KLHL13: variants seen among roughly 807,000 people sequenced by gnomAD.
KLHL13 encodes kelch like family member 13, also known as kelch-like protein 13.
Under a neutral mutation model 37.1 loss-of-function variants are expected in KLHL13, and 10 were observed. The ratio of observed to expected loss-of-function variants is 0.27; its 90% CI spans 0.17 to 0.46. The LOEUF (loss-of-function observed/expected upper bound fraction) is 0.46, where lower values mean the gene tolerates loss of function less well. Among genes scored for constraint, KLHL13 ranks in the 20% least tolerant of loss-of-function variants. KLHL13 has a pLI of 1.00. For missense variants in KLHL13, 360 were observed against 509.3 expected (o/e 0.71, Z 2.82); for synonymous variants, 163 against 181.2 (o/e 0.90, Z 0.81).
intron 1 of KLHL13, among the ~76,000 whole-genome samples, chrX:118,083,332 A>C (rs2148134072): frequency 8.9e-6 from 1 of 112,043 alleles, no homozygotes; most frequent in African/African-American, 3.2e-5. Context: ...GAATCAACCT[A>C]AGTGTCCATC....
At chrX:118,044,581 C>T (rs970185602) in intron 1 of KLHL13, among the ~76,000 whole-genome samples, 2 of 111,227 alleles carry the variant, frequency 1.8e-5, no homozygotes, top group African/African-American at 6.5e-5. Flanking sequence ...GAAATAAATC[C>T]ATACATCTTC....
chrX:118,096,528 G>A (rs886193233), intron 1 of KLHL13, among the ~76,000 whole-genome samples: 2 of 111,581 alleles, frequency 1.8e-5, no homozygotes, highest in South Asian at 3.8e-4. Context: ...CATTCCTTCC[G>A]AAACTATTCC....
intron 1 of KLHL13, among the ~76,000 whole-genome samples, chrX:118,040,515 G>A (rs769308150): frequency 2.7e-5 from 3 of 110,247 alleles, no homozygotes; most frequent in Admixed American, 1.9e-4. Context: ...AAAATAGAGA[G>A]ACAAAAGAAA....
chrX:118,092,862 C>T (rs1290409863), intron 1 of KLHL13, among the ~76,000 whole-genome samples: 1 of 111,763 alleles, frequency 8.9e-6, no homozygotes, highest in East Asian at 2.8e-4. Context: ...AACTGGGTGA[C>T]AGGTACCCAG....
chrX:117,984,609 A>T (rs939485527), intron 1 of KLHL13, among the ~76,000 whole-genome samples: 23 of 111,347 alleles, frequency 2.1e-4, no homozygotes, highest in Non-Finnish European at 7.6e-5. Context: ...TCTTTTTTGG[A>T]ATGATAAATT....
chrX:118,098,560 C>T (rs1354579540), intron 1 of KLHL13, among the ~76,000 whole-genome samples: 2 of 110,108 alleles, frequency 1.8e-5, no homozygotes, highest in Non-Finnish European at 3.8e-5. Flanking sequence ...TTTGACCCAG[C>T]CATCCCATTA....
intron 1 of KLHL13, among the ~76,000 whole-genome samples, chrX:118,012,043 A>G (rs1366789438): frequency 1.8e-5 from 2 of 112,134 alleles, no homozygotes; most frequent in African/African-American, 6.5e-5. Flanking sequence ...CAGAGTCAGG[A>G]AAACCAGTGC....
At chrX:117,941,176 G>A (rs187755715) in intron 2 of KLHL13, among the ~76,000 whole-genome samples, 1 of 111,732 alleles carries the variant, frequency 8.9e-6, no homozygotes, top group Non-Finnish European at 1.9e-5. Flanking sequence ...TTTGTCAAAG[G>A]CCTTTTCTGC....
intron 1 of KLHL13, among the ~76,000 whole-genome samples, chrX:118,094,592 A>G (rs190028400): frequency 3.6e-5 from 4 of 110,328 alleles, no homozygotes; most frequent in Admixed American, 2.9e-4. Flanking sequence ...TAATTGTCAG[A>G]TTCACCAAAG....
At chrX:117,957,408 A>G (rs2053221507) in intron 1 of KLHL13, among the ~76,000 whole-genome samples, 1 of 111,925 alleles carries the variant, frequency 8.9e-6, no homozygotes, top group African/African-American at 3.2e-5. Context: ...CAGTCCAGCA[A>G]ATTATTCACA....
At chrX:117,926,901 T>A in intron 2 of KLHL13, among the ~76,000 whole-genome samples, 1 of 50,666 alleles carries the variant, frequency 2.0e-5, no homozygotes, top group Non-Finnish European at 3.4e-5. Flanking sequence ...TTTTTTTTTT[T>A]TTTTTTTTTT....
At chrX:117,898,752 A>C (rs780578231) in exon 7 of KLHL13, 5 of 605,657 alleles carry the variant, frequency 8.3e-6, no homozygotes, top group Non-Finnish European at 1.2e-5. Context: ...AGGCCAAACA[A>C]AGAGCACAAA....
chrX:118,093,887 C>T (rs2055168726), intron 1 of KLHL13, among the ~76,000 whole-genome samples: 1 of 109,077 alleles, frequency 9.2e-6, no homozygotes, highest in Admixed American at 9.9e-5. Flanking sequence ...CTTTTTCTCT[C>T]GGGGGTGGAG....
chrX:117,960,736 T>C (rs2053282007), intron 1 of KLHL13, among the ~76,000 whole-genome samples: 1 of 112,085 alleles, frequency 8.9e-6, no homozygotes, highest in Non-Finnish European at 1.9e-5. Context: ...TGAAAATGTT[T>C]TGGGAAGGTA....
chrX:118,076,743 C>G (rs1210538514), intron 1 of KLHL13, among the ~76,000 whole-genome samples: 3 of 111,223 alleles, frequency 2.7e-5, no homozygotes, highest in Admixed American at 9.6e-5. Context: ...TCCCCCACCC[C>G]CAAACAAGAA....
At chrX:117,910,480 T>G (rs751849737) in intron 4 of KLHL13, among the ~76,000 whole-genome samples, 16 of 106,242 alleles carry the variant, frequency 1.5e-4, no homozygotes, top group Non-Finnish European at 3.1e-4. Flanking sequence ...TGTTCTATTA[T>G]GATTCATCTC....
At chrX:118,105,280 T>G (rs1462461215) in intron 1 of KLHL13, among the ~76,000 whole-genome samples, 1 of 112,575 alleles carries the variant, frequency 8.9e-6, no homozygotes, top group African/African-American at 3.2e-5. Context: ...TATCATGCTC[T>G]GTTATATAAT....
intron 2 of KLHL13, among the ~76,000 whole-genome samples, chrX:117,929,933 G>A (rs1932313989): frequency 9.1e-6 from 1 of 109,465 alleles, no homozygotes; most frequent in Admixed American, 9.9e-5. Context: ...CTGCACTCCA[G>A]TCTGGGTGAC....
At chrX:117,969,037 GA>G (rs1293754971) in intron 1 of KLHL13, among the ~76,000 whole-genome samples, 1 of 111,463 alleles carries the variant, frequency 9.0e-6, no homozygotes, top group Non-Finnish European at 1.9e-5. Flanking sequence ...TCATAAATAG[GA>G]AGCTAACTGA....
Sources: gnomAD v4.1 joint callset for allele counts (sites outside exome capture counted in the v4.1 genomes callset) on GRCh38, gnomAD v4.1.1 for gene constraint, MANE v1.5 for transcripts, NCBI Gene and HGNC (gene_info 2026-07-23, HGNC 2026-07-21) for gene names.